The following SLC12A5 variants were observed in gnomAD, a reference collection of about 807,000 sequenced individuals.
SLC12A5 encodes K-Cl cotransporter 2.
A neutral mutation model predicts 124.0 loss-of-function variants in SLC12A5; 18 were observed. The observed-to-expected ratio is 0.15, with a 90% confidence interval of 0.10 to 0.22. The LOEUF (loss-of-function observed/expected upper bound fraction) is 0.22, where lower values mean the gene tolerates loss of function less well. Among genes scored for constraint, SLC12A5 ranks in the 10% least tolerant of loss-of-function variants. SLC12A5 has a pLI of 1.00. For synonymous variants in SLC12A5, 589 were observed against 568.0 expected (o/e 1.04, Z -0.53); for missense variants, 867 against 1,478.7 (o/e 0.59, Z 6.78).
At chr20:46,042,364 G>A (rs1006307329) in intron 8 of SLC12A5, among the ~76,000 whole-genome samples, 3 of 152,148 alleles carry the variant, frequency 2.0e-5, no homozygotes, top group African/African-American at 7.2e-5. Flanking sequence ...GAGGCAGGGG[G>A]CCCAGGAAGG....
rs117967385 is a variant in SLC12A5 at position 46,046,160 on chromosome 20, G to T, written c.1688+164G>T. ...TTGTTATAGAGAGATTCATCCACAC[G>T]TGTTATTAGGGTGTGTTGTGAGGGT... On this transcript the variant is annotated intron_variant, in intron 13 of 25. Transcript: ENST00000243964. Among the ~76,000 whole-genome samples the T allele has an allele frequency of 1.0e-3, 158 of 152,268 alleles. 1 individual carries two copies. Among genetic ancestry groups the T allele is most frequent in the Admixed American group, 3.1e-3 (48 of 15,300 alleles).
In SLC12A5 at chr20:46,029,386, A is replaced by G. The variant is rs1464795415; in HGVS notation, c.42A>G (p.Gly14=). Residue 14 remains glycine, a synonymous_variant, in exon 1 of 26, where the codon GGA becomes GGG. Transcript: ENST00000243964. ...NLTDCEDGDG[G]ANPGDGNPKE... The stretch of plus-strand genomic sequence containing the variant: ...CGGACTGCGAGGACGGCGATGGGGG[A>G]GCCAACCCGGGTAAGCTGTGGTCCG... 1.2e-5 allele frequency: 19 copies of G among 1,544,740 alleles called. No homozygotes were observed. Among genetic ancestry groups the G allele is most frequent in the African/African-American group, 9.7e-5 (7 of 72,306 alleles).
At chr20:46,033,479 G>T (rs1163858381) in intron 1 of SLC12A5, among the ~76,000 whole-genome samples, 1 of 152,142 alleles carries the variant, frequency 6.6e-6, no homozygotes, top group African/African-American at 2.4e-5. Context: ...CTCCTCGAGT[G>T]ATCTCATCTA....
chr20:46,043,845 C>A, intron 10 of SLC12A5, 31 bp from the exon 11 acceptor site: 1 of 1,613,686 alleles, frequency 6.2e-7, no homozygotes, highest in Non-Finnish European at 8.5e-7. Flanking sequence ...AGGACTGAAC[C>A]GTGGGGATTC....
At chr20:46,050,984 C>T (rs540019793) in intron 17 of SLC12A5, among the ~76,000 whole-genome samples, 5 of 152,258 alleles carry the variant, frequency 3.3e-5, no homozygotes, top group African/African-American at 7.2e-5. Context: ...AGGTGACTCA[C>T]CCAAGGTCAC....
Position 46,035,066 on chromosome 20 carries a change from C to T in SLC12A5, c.147+24C>T, listed in dbSNP as rs570846373. 3.2e-5 allele frequency: 52 copies of T among 1,607,270 alleles called. 2 individuals are homozygous for T. In the Middle Eastern group the frequency reaches 4.9e-3, roughly 153 times the overall value. ...AGGTGGGCTGCTAGGGCTGTTGGGC[C>T]CCCACCTACAATTCATTATCCTGAT... is the stretch of plus-strand genomic sequence containing the variant. On this transcript the variant is annotated intron_variant, in intron 2 of 25. Coordinates refer to ENST00000243964, the MANE Select transcript of SLC12A5 (RefSeq NM_020708.5).
chr20:46,022,417 G>T (rs1485403399), intron 1 of SLC12A5, among the ~76,000 whole-genome samples: 1 of 133,980 alleles, frequency 7.5e-6, no homozygotes, highest in Non-Finnish European at 1.6e-5. Context: ...GGCCTGGGAG[G>T]GGGGTGGGGT....
At chr20:46,035,171 G>A in intron 2 of SLC12A5, 129 bp downstream of exon 2, 1 of 1,080,578 alleles carries the variant, frequency 9.3e-7, no homozygotes, top group South Asian at 1.4e-5. Flanking sequence ...CTTCTTCCTT[G>A]AGCCTCCCCA....
chr20:46,044,083 A>G (rs1401572544), intron 11 of SLC12A5, 150 bp downstream of exon 11: 2 of 638,948 alleles, frequency 3.1e-6, no homozygotes, highest in African/African-American at 1.8e-5. Flanking sequence ...TCATCTTCTT[A>G]TATTTCATCT....
At chr20:46,052,354 G>A (rs567935988) in intron 18 of SLC12A5, among the ~76,000 whole-genome samples, 3 of 152,348 alleles carry the variant, frequency 2.0e-5, no homozygotes, top group South Asian at 4.1e-4. Flanking sequence ...GGAGGGCTAC[G>A]CATTGTTATC....
chr20:46,022,066 C>A, intron 1 of SLC12A5: 14 of 582,992 alleles, frequency 2.4e-5, no homozygotes, highest in Admixed American at 6.4e-5. Flanking sequence ...CCGCGGAACG[C>A]AAAGTGTGGA....
Position 46,021,872 on chromosome 20 carries a change from G to A in SLC12A5, c.35G>A (p.Gly12Glu). The A allele has an allele frequency of 6.5e-7, 1 of 1,529,678 alleles. No individual in the cohort carries two copies. The highest frequency in any genetic ancestry group is 8.7e-7 in the Non-Finnish European group (1 of 1,144,416). 94.8% of individuals were successfully genotyped at this position (1,529,678 alleles called of 1,614,324 possible). A position where few individuals can be genotyped will look rare whatever the true frequency, so the allele number is the denominator to read the frequency against. ...GTCGCAGACCCCCGCCACCTCCCGGGGGAAGACGTCAAAGGTAGAGGCCGC... is the reference window on the plus strand; with the variant it reads ...GTCGCAGACCCCCGCCACCTCCCGGAGGAAGACGTCAAAGGTAGAGGCCGC... Residue 12 changes from glycine to glutamate, a missense_variant, in exon 1 of 3, where the codon GGG becomes GAG. Coordinates refer to the SLC12A5 transcript ENST00000413737.
chr20:46,023,289 A>T (rs561045131), intron 2 of SLC12A5: 3 of 398,370 alleles, frequency 7.5e-6, no homozygotes, highest in Non-Finnish European at 1.3e-5. Context: ...TCTCATTTTC[A>T]TGAATGACCT....
In SLC12A5 at chr20:46,053,331, G is replaced by A. The variant is rs957767417; in HGVS notation, c.2547+205G>A. 1.3e-5 allele frequency among the ~76,000 whole-genome samples: 2 copies of A among 152,226 alleles called. No individual in the cohort carries two copies. Among genetic ancestry groups the A allele is most frequent in the Admixed American group, 1.3e-4 (2 of 15,282 alleles). On this transcript the variant is annotated intron_variant, in intron 19 of 25. Transcript: ENST00000243964. The surrounding 1 kb of genome is among the most constrained non-coding windows in gnomAD (Gnocchi z 4.7). ...TTAGGAACTGATGGTTTCTCCTCTTGCAGGTGCACTGCTGTAAGGAGAGCA... is the reference window on the plus strand; with the variant it reads ...TTAGGAACTGATGGTTTCTCCTCTTACAGGTGCACTGCTGTAAGGAGAGCA...
At chr20:46,046,823 C>T (rs987880826) in intron 14 of SLC12A5, among the ~76,000 whole-genome samples, 12 of 152,224 alleles carry the variant, frequency 7.9e-5, no homozygotes, top group African/African-American at 2.9e-4. Context: ...GTGAAATGGG[C>T]ATGATAGCTG....
Position 46,029,339 on chromosome 20 carries a change from GCCA to G in SLC12A5, c.-2_1del. On this transcript the variant is annotated 5_prime_UTR_variant, in exon 1 of 26. Transcript: ENST00000243964. ...CCATCCCCGGACCAGGGGCCGCGCC[GCCA>G]CCATGCTAAACAACCTGACGGACTG... The G allele has an allele frequency of 2.6e-6, 4 of 1,538,794 alleles. No individual in the cohort carries two copies. In the South Asian group the frequency reaches 4.8e-5, roughly 18 times the overall value.
In SLC12A5 at chr20:46,045,909, C is replaced by T. The variant is rs775819796; in HGVS notation, c.1601C>T (p.Pro534Leu). 1.2e-6 allele frequency: 2 copies of T among 1,614,148 alleles called. No individual in the cohort carries two copies. The highest frequency in any genetic ancestry group is 1.1e-5 in the South Asian group (1 of 91,080). The change falls in exon 13 of 26, where the codon CCG (proline) becomes CTG (leucine). Residue 534 changes from proline to leucine, a missense_variant. Around this residue, in one of 9 missense-constraint regions of SLC12A5, gnomAD observed 152 missense variants for 358.7 expected, o/e 0.42. Transcript: ENST00000243964. This position sits in a 1 kb window ranked among gnomAD's most constrained non-coding sequence, Gnocchi z 4.9. ...VFGHGKANGEPTWALLLTACI... is the reference protein window; with the variant it reads ...VFGHGKANGELTWALLLTACI... The stretch of plus-strand genomic sequence containing the variant: ...GGCCATGGCAAGGCCAATGGAGAGC[C>T]GACCTGGGCCCTGCTCCTGACTGCC...
chr20:46,043,964 G>C, intron 11 of SLC12A5, 31 bp downstream of exon 11: 1 of 1,564,152 alleles, frequency 6.4e-7, no homozygotes, highest in Middle Eastern at 1.9e-4. Flanking sequence ...CCTATTCTGG[G>C]GGAGGGGTGG....
At position 46,057,640 on chromosome 20, in the gene SLC12A5, CG is replaced by C; in HGVS notation, c.*37del. 6.4e-7 allele frequency: 1 copy of C among 1,552,402 alleles called. No individual in the cohort carries two copies. The highest frequency in any genetic ancestry group is 8.8e-7 in the Non-Finnish European group (1 of 1,134,786). On this transcript the variant is annotated 3_prime_UTR_variant, in exon 26 of 26. Transcript: ENST00000243964. The surrounding 1 kb of genome is among the most constrained non-coding windows in gnomAD (Gnocchi z 7.1). ...CCTGCCACCCGGGCCCGAGCGCGCC[CG>C]GCCCGCGGCTCCGGAGCCCTCGCCG...
Sources: allele counts gnomAD v4.1 joint callset (sites outside exome capture counted in the v4.1 genomes callset), GRCh38; gene constraint gnomAD v4.1.1; regional missense constraint gnomAD v4.1.1; non-coding constraint Gnocchi (gnomAD v3.1); transcripts MANE v1.5; gene names NCBI Gene and HGNC (gene_info 2026-07-23, HGNC 2026-07-21).